Variants in SAMD12 observed in about 807,000 individuals in gnomAD.
SAMD12 encodes sterile alpha motif domain containing 12.
A neutral mutation model predicts 15.0 loss-of-function variants in SAMD12; 9 were observed. The ratio of observed to expected loss-of-function variants is 0.60; its 90% CI spans 0.36 to 1.05. The LOEUF (loss-of-function observed/expected upper bound fraction) is 1.05. Among genes scored for constraint, SAMD12 ranks in the 50% least tolerant of loss-of-function variants. The probability of loss-of-function intolerance (pLI) is 0.01; values close to 1 mark genes in which losing one functional copy is unlikely to be tolerated. For synonymous variants in SAMD12, 86 were observed against 90.1 expected (o/e 0.96, Z 0.25); for missense variants, 230 against 234.2 (o/e 0.98, Z 0.12).
At chr8:118,297,437 A>G (rs1814772112) in intron 4 of SAMD12, among the ~76,000 whole-genome samples, 1 of 152,228 alleles carries the variant, frequency 6.6e-6, no homozygotes, top group East Asian at 1.9e-4. Context: ...ACTAGAATAG[A>G]GACACCACCT....
intron 2 of SAMD12, among the ~76,000 whole-genome samples, chr8:118,565,644 C>T (rs1445559284): frequency 6.6e-6 from 1 of 152,224 alleles, no homozygotes; most frequent in African/African-American, 2.4e-5. Flanking sequence ...TTACAGCCTA[C>T]TTGACATCTC....
rs183592451 is a variant in SAMD12, at chr8:118,482,540, T to C, written c.193-42579A>G. Among the ~76,000 whole-genome samples the C allele has an allele frequency of 2.3e-4, 35 of 152,286 alleles. 1 individual carries two copies. Among genetic ancestry groups the C allele is most frequent in the Admixed American group, 2.1e-3 (32 of 15,288 alleles). The stretch of plus-strand genomic sequence containing the variant: ...TATTGTTATTCTCTAAACAATGCAG[T>C]ATAGCAACTATTTATACACCACTTA... On this transcript the variant is annotated intron_variant, in intron 2 of 3. Transcript: ENST00000314727.
chr8:118,546,080 A>G (rs1826115384), intron 2 of SAMD12, among the ~76,000 whole-genome samples: 2 of 152,186 alleles, frequency 1.3e-5, no homozygotes, highest in Non-Finnish European at 2.9e-5. Flanking sequence ...AGCTCCAAAC[A>G]AATGCCATCA....
chr8:118,318,245 A>G (rs72675874), intron 4 of SAMD12, among the ~76,000 whole-genome samples: 12,359 of 148,052 alleles, frequency 0.083, 705 homozygotes, highest in Non-Finnish European at 0.12. Flanking sequence ...GTGCACACAT[A>G]TGTTTATTGC....
chr8:118,515,001 TTTGTTTG>T (rs1327376803), intron 2 of SAMD12, among the ~76,000 whole-genome samples: 2 of 14,222 alleles, frequency 1.4e-4, no homozygotes, highest in African/African-American at 4.3e-3. Context: ...GTTTAAAAGT[TTTGTTTG>T]TTTGTTTGTT....
chr8:118,406,106 A>G (rs1490382638), intron 3 of SAMD12, among the ~76,000 whole-genome samples: 1 of 152,096 alleles, frequency 6.6e-6, no homozygotes, highest in African/African-American at 2.4e-5. Flanking sequence ...CTCCTACTAC[A>G]AAAGAGAAGA....
intron 4 of SAMD12, among the ~76,000 whole-genome samples, chr8:118,255,793 T>A: frequency 6.6e-6 from 1 of 152,078 alleles, no homozygotes; most frequent in East Asian, 1.9e-4. Context: ...TTTGCTATTG[T>A]GAATAGTGCC....
At chr8:118,525,034 T>C (rs10097320) in intron 2 of SAMD12, among the ~76,000 whole-genome samples, 46,667 of 152,092 alleles carry the variant, frequency 0.31, 7,760 homozygotes, top group Admixed American at 0.39. Context: ...GCAAAACTGC[T>C]CACAATAGTC....
chr8:118,403,032 A>G (rs1374665141), intron 3 of SAMD12, among the ~76,000 whole-genome samples: 1 of 152,204 alleles, frequency 6.6e-6, no homozygotes, highest in Non-Finnish European at 1.5e-5. Flanking sequence ...CCCTGTCAAG[A>G]GTCTACCCAC....
chr8:118,558,332 T>G (rs946717027), intron 2 of SAMD12, among the ~76,000 whole-genome samples: 6 of 152,200 alleles, frequency 3.9e-5, no homozygotes, highest in Non-Finnish European at 8.8e-5. Context: ...AAGTTAATAC[T>G]TTCTTCTATG....
intron 4 of SAMD12, among the ~76,000 whole-genome samples, chr8:118,250,136 G>A (rs766015866): frequency 1.3e-5 from 2 of 152,070 alleles, no homozygotes; most frequent in Non-Finnish European, 2.9e-5. Context: ...AGTGGTCTGC[G>A]TGGGTAGGCA....
chr8:118,354,466 TTCC>T (rs1399047795), intron 4 of SAMD12, among the ~76,000 whole-genome samples: 2 of 152,246 alleles, frequency 1.3e-5, no homozygotes, highest in African/African-American at 4.8e-5. Context: ...TTCTTCCAGT[TTCC>T]TCCTTATTTC....
chr8:118,444,439 T>C (rs2130899699), intron 2 of SAMD12, among the ~76,000 whole-genome samples: 1 of 152,332 alleles, frequency 6.6e-6, no homozygotes, highest in African/African-American at 2.4e-5. Flanking sequence ...TGAAAGTGAA[T>C]TTCAGACGCT....
At chr8:118,454,535 TTACTC>T (rs1279987961) in intron 2 of SAMD12, among the ~76,000 whole-genome samples, 1 of 152,208 alleles carries the variant, frequency 6.6e-6, no homozygotes, top group African/African-American at 2.4e-5. Context: ...CCTACTCTGT[TTACTC>T]TGCTCTCTTT....
At chr8:118,604,237 C>T (rs1005833054) in intron 1 of SAMD12, among the ~76,000 whole-genome samples, 5 of 152,008 alleles carry the variant, frequency 3.3e-5, no homozygotes, top group Non-Finnish European at 7.4e-5. Flanking sequence ...TTATAAGCCA[C>T]AATACTTGGT....
chr8:118,266,820 T>C lies in SAMD12; in HGVS notation c.434-69088A>G, dbSNP rs114056694. 1.3e-3 allele frequency among the ~76,000 whole-genome samples: 203 copies of C among 152,178 alleles called. 1 individual carries two copies. Among genetic ancestry groups the C allele is most frequent in the African/African-American group, 3.9e-3 (161 of 41,536 alleles). Reference sequence around the variant, plus strand: ...GAAGTAGAGAGTAAAAAGGTAACAGTTACCAGAGGCTAGGGGGTGGAGGGG... The same window carrying C: ...GAAGTAGAGAGTAAAAAGGTAACAGCTACCAGAGGCTAGGGGGTGGAGGGG... On this transcript the variant is annotated intron_variant, in intron 4 of 4. Coordinates refer to the SAMD12 transcript ENST00000409003.
chr8:118,249,927 TG>T (rs1812781182), intron 4 of SAMD12, among the ~76,000 whole-genome samples: 1 of 152,112 alleles, frequency 6.6e-6, no homozygotes, highest in African/African-American at 2.4e-5. Context: ...ACTATTTGGG[TG>T]ACCATCAGCA....
At chr8:118,256,506 A>T (rs1399121535) in intron 4 of SAMD12, among the ~76,000 whole-genome samples, 1 of 152,092 alleles carries the variant, frequency 6.6e-6, no homozygotes, top group Non-Finnish European at 1.5e-5. Flanking sequence ...TGAACAAAAG[A>T]GAATCAGAAA....
the SAMD12 span, among the ~76,000 whole-genome samples, chr8:118,161,670 C>T: frequency 8.0e-5 from 12 of 149,490 alleles, no homozygotes; most frequent in African/African-American, 3.0e-4. Flanking sequence ...ATCTAGGATA[C>T]ATAAAGAAGC....
Sources: gnomAD v4.1 joint callset for allele counts (sites outside exome capture counted in the v4.1 genomes callset) on GRCh38, gnomAD v4.1.1 for gene constraint, MANE v1.5 for transcripts, NCBI Gene and HGNC (gene_info 2026-07-23, HGNC 2026-07-21) for gene names.